The following MROH7 variants were observed in gnomAD, a reference collection of about 807,000 sequenced individuals.
MROH7 encodes the protein maestro heat like repeat family member 7.
MROH7 carries 113 observed loss-of-function variants against 129.2 expected under a neutral mutation model. The observed-to-expected ratio is 0.87, with a 90% CI of 0.75 to 1.02. MROH7 has a LOEUF of 1.02. MROH7 is among the 50% of genes least tolerant of loss of function. The pLI is 0.00. For missense variants in MROH7, 1,601 were observed against 1,671.3 expected (o/e 0.96, Z 0.73); for synonymous variants, 655 against 667.9 (o/e 0.98, Z 0.30).
At chr1:54,689,429 G>A (rs904642913) in intron 15 of MROH7, among the ~76,000 whole-genome samples, 1 of 152,210 alleles carries the variant, frequency 6.6e-6, no homozygotes, top group Non-Finnish European at 1.5e-5. Flanking sequence ...GAGCCACCCA[G>A]GTTGTGGTGA....
At chr1:54,707,595 G>T (rs1645556106) in intron 22 of MROH7, among the ~76,000 whole-genome samples, 1 of 152,178 alleles carries the variant, frequency 6.6e-6, no homozygotes, top group Non-Finnish European at 1.5e-5. Context: ...GCTGCTCAGA[G>T]ACATCTACTT....
At chr1:54,687,997 A>T (rs1645175714) in intron 15 of MROH7, among the ~76,000 whole-genome samples, 1 of 148,022 alleles carries the variant, frequency 6.8e-6, no homozygotes. Context: ...GCCTGACTTC[A>T]TCGCTTGAAG....
At chr1:54,701,462 A>G in intron 19 of MROH7, 140 bp downstream of exon 19, 1 of 635,330 alleles carries the variant, frequency 1.6e-6, no homozygotes, top group East Asian at 3.0e-5. Flanking sequence ...ACTTTGTCCC[A>G]GCTGGTCCAC....
chr1:54,678,712 G>T (rs371897901), intron 10 of MROH7, 30 bp from the exon 11 acceptor site: 4 of 1,501,962 alleles, frequency 2.7e-6, no homozygotes, highest in Admixed American at 1.7e-5. Flanking sequence ...AGGGAGATCC[G>T]GCCTCACTGA....
At chr1:54,682,873 A>C (rs1569941437) in intron 14 of MROH7, 79 bp downstream of exon 14, 1 of 1,516,472 alleles carries the variant, frequency 6.6e-7, no homozygotes, top group Non-Finnish European at 8.9e-7. Context: ...AGCTAAGCAC[A>C]CCCGGCCTCG....
chr1:54,702,267 A>G, intron 20 of MROH7, 22 bp downstream of exon 20: 1 of 1,424,262 alleles, frequency 7.0e-7, no homozygotes, highest in Non-Finnish European at 9.3e-7. Context: ...TGGGCCCTGC[A>G]CCCTCTACCC....
Position 54,701,306 on chromosome 1 carries a change from T to G in MROH7, c.3269T>G (p.Leu1090Arg), listed in dbSNP as rs1645432385. ...TATGTGGAGATGCTGCAGATCCTGC[T>G]GCCGCACTTCAGCGACGTGAGGACC... ...AVYVEMLQIL[L>R]PHFSDAREVV... Residue 1090 changes from leucine (L) to arginine (R), a missense_variant, in exon 19 of 24, where the codon CTG becomes CGG. Transcript: ENST00000421030. The G allele has an allele frequency of 5.0e-6, 8 of 1,596,846 alleles. No individual in the cohort carries two copies. The highest frequency in any genetic ancestry group is 6.8e-6 in the Non-Finnish European group (8 of 1,168,502).
chr1:54,694,829 G>T (rs60718492), intron 16 of MROH7, among the ~76,000 whole-genome samples: 2,316 of 152,278 alleles, frequency 0.015, 52 homozygotes, highest in African/African-American at 0.054. Flanking sequence ...GGGTGGCACT[G>T]AGAGGACCAC....
chr1:54,706,984 T>C (rs1234883993), intron 22 of MROH7, among the ~76,000 whole-genome samples: 1 of 152,188 alleles, frequency 6.6e-6, no homozygotes. Flanking sequence ...AGTTTCCTCA[T>C]CTGTAAGATA....
chr1:54,663,828 T>C (rs1644772334), intron 3 of MROH7: 1 of 447,618 alleles, frequency 2.2e-6, no homozygotes, highest in African/African-American at 2.0e-5. Context: ...AGGAGCCTTG[T>C]TCCTTTTAGT....
intron 1 of MROH7, among the ~76,000 whole-genome samples, chr1:54,642,704 C>T (rs1644406507): frequency 1.3e-5 from 2 of 152,168 alleles, no homozygotes; most frequent in African/African-American, 2.4e-5. Flanking sequence ...CAGCCTCAAC[C>T]TCCCCGGCTC....
Position 54,701,158 on chromosome 1 carries a change from GC to G in MROH7, c.3124del (p.Leu1042SerfsTer6), listed in dbSNP as rs1557729136. ...RRSEKTAKVK[A>X]LLPSMVKGLK... ...TGCCCCACAGACCGCCAAGGTGAAG[GC>G]CCTCCTGCCCTCCATGGTGAAGGGC... On this transcript the variant is annotated frameshift_variant, in exon 19 of 24. Coordinates refer to ENST00000421030, the MANE Select transcript of MROH7 (RefSeq NM_001039464.4). LOFTEE classifies it high-confidence loss of function. 6.2e-7 allele frequency: 1 copy of G among 1,613,786 alleles called. No homozygotes were observed. Among genetic ancestry groups the G allele is most frequent in the South Asian group, 1.1e-5 (1 of 91,056 alleles).
At chr1:54,704,561 C>G (rs531337574) in intron 21 of MROH7, among the ~76,000 whole-genome samples, 60 of 151,236 alleles carry the variant, frequency 4.0e-4, no homozygotes, top group South Asian at 1.5e-3. Context: ...GCATCGGCCT[C>G]CCAAGTAGCT....
intron 1 of MROH7, among the ~76,000 whole-genome samples, chr1:54,645,255 T>A (rs1644446147): frequency 1.3e-5 from 2 of 152,098 alleles, no homozygotes; most frequent in South Asian, 4.1e-4. Context: ...ATCTTTGACA[T>A]TTTAGGTATT....
chr1:54,702,309 TA>T, intron 20 of MROH7, 64 bp downstream of exon 20: 1 of 1,321,196 alleles, frequency 7.6e-7, no homozygotes, highest in Non-Finnish European at 9.9e-7. Flanking sequence ...CACCTCTTTT[TA>T]CGTTAACCAA....
chr1:54,699,131 T>C (rs1645377127), intron 17 of MROH7: 1 of 97,378 alleles, frequency 1.0e-5, no homozygotes, highest in Non-Finnish European at 2.2e-5. Context: ...TCTTTCTTTC[T>C]TTCTTTCTTT....
At chr1:54,668,978 G>A (rs1314859330) in intron 5 of MROH7, 41 bp downstream of exon 5, 6 of 1,415,600 alleles carry the variant, frequency 4.2e-6, no homozygotes, top group Non-Finnish European at 5.0e-6. Context: ...TGGGGTGGGA[G>A]GGGGCAGAAT....
Position 54,668,158 on chromosome 1 carries a change from G to A in MROH7, c.1306-696G>A, listed in dbSNP as rs553724300. Among the ~76,000 whole-genome samples the A allele has an allele frequency of 2.7e-3, 409 of 152,324 alleles. 2 individuals carry two copies. Among genetic ancestry groups the A allele is most frequent in the Admixed American group, 7.1e-3 (109 of 15,296 alleles). On this transcript the variant is annotated intron_variant, in intron 4 of 23. Transcript: ENST00000421030. ...AGTGGCTGAGTTCCAGAGGGAAAAA[G>A]TGGAAGCTTCCAGTTTCCTTAAGGA...
chr1:54,677,315 C>G (rs139173342), intron 10 of MROH7, among the ~76,000 whole-genome samples: 7 of 152,200 alleles, frequency 4.6e-5, no homozygotes, highest in Non-Finnish European at 1.0e-4. Flanking sequence ...AGGAGAATCA[C>G]TTGAACCCAG....
Sources: gnomAD v4.1 joint callset for allele counts (sites outside exome capture counted in the v4.1 genomes callset) on GRCh38, gnomAD v4.1.1 for gene constraint, MANE v1.5 for transcripts, NCBI Gene and HGNC (gene_info 2026-07-23, HGNC 2026-07-21) for gene names.